The following ADGRV1 variants were observed in gnomAD, a reference collection of about 807,000 sequenced individuals.
ADGRV1 encodes adhesion G protein-coupled receptor V1.
ADGRV1 carries 359 observed loss-of-function variants against 596.2 expected under a neutral mutation model. That is an observed-to-expected ratio of 0.60 (90% CI 0.55 to 0.66). ADGRV1 has a LOEUF of 0.66. Ranked by LOEUF, ADGRV1 falls within the 30% of genes least tolerant of loss-of-function variation. ADGRV1 has a pLI of 0.00. For synonymous variants in ADGRV1, 2,681 were observed against 2,679.2 expected, an observed-to-expected ratio of 1.00 and a Z score of -0.02; for missense variants, 7,274 against 7,575.6, an observed-to-expected ratio of 0.96 and a Z score of 1.48.
At chr5:91,033,917 T>C (rs538554556) in intron 85 of ADGRV1, among the ~76,000 whole-genome samples, 2 of 152,316 alleles carry the variant, frequency 1.3e-5, no homozygotes, top group South Asian at 4.1e-4. Flanking sequence ...ATTCAAATCT[T>C]AGTGATTTTT....
intron 83 of ADGRV1, among the ~76,000 whole-genome samples, chr5:90,963,715 T>C (rs953512115): frequency 2.0e-5 from 3 of 151,260 alleles, no homozygotes; most frequent in African/African-American, 7.3e-5. Flanking sequence ...CCTTCTATTA[T>C]TGATGAGGGA....
chr5:90,564,427 AG>A (rs1755270030), intron 1 of ADGRV1, among the ~76,000 whole-genome samples: 1 of 152,176 alleles, frequency 6.6e-6, no homozygotes. Context: ...CTTAGATTAA[AG>A]GTGCAGAAGC....
At chr5:90,777,804 G>GA in intron 61 of ADGRV1, 101 bp from the exon 62 acceptor site, 1 of 1,083,334 alleles carries the variant, frequency 9.2e-7, no homozygotes, top group East Asian at 2.6e-5. Flanking sequence ...AACTGTTATT[G>GA]AAATGGATGA....
intron 1 of ADGRV1, among the ~76,000 whole-genome samples, chr5:90,591,458 T>C (rs1025557336): frequency 6.6e-6 from 1 of 152,154 alleles, no homozygotes; most frequent in African/African-American, 2.4e-5. Flanking sequence ...TATGTAAATA[T>C]TATCTACTGG....
chr5:90,636,703 G>A (rs887913210), intron 10 of ADGRV1, among the ~76,000 whole-genome samples: 1 of 152,092 alleles, frequency 6.6e-6, no homozygotes, highest in African/African-American at 2.4e-5. Flanking sequence ...CAGGGCCCCA[G>A]CCCTCTGTTA....
At chr5:91,114,866 G>A (rs531211504) in intron 87 of ADGRV1, among the ~76,000 whole-genome samples, 8 of 152,150 alleles carry the variant, frequency 5.3e-5, no homozygotes, top group African/African-American at 1.9e-4. Context: ...CTTTTTCTTT[G>A]GAATCGTGGC....
At position 90,614,986 on chromosome 5, in the gene ADGRV1, A is replaced by G; in HGVS notation, c.174A>G (p.Ile58Met). The change falls in exon 2 of 90, where the codon ATA becomes ATG. Residue 58 changes from isoleucine (I) to methionine (M), a missense_variant. Transcript: ENST00000405460. ...TTATTCGTCTTATCATTGAAAGGAT[A>G]GGAGAGCCAGCAAATGTTACTGCAA... Reference protein sequence around the residue: ...TTVIRLIIERIGEPANVTAIV... With the variant: ...TTVIRLIIERMGEPANVTAIV... 1 of 1,509,768 alleles carries G rather than the reference A, an allele frequency of 6.6e-7. No homozygotes were observed. Among genetic ancestry groups the G allele is most frequent in the African/African-American group, 1.4e-5 (1 of 72,046 alleles). The allele number at this position is 1,509,768 out of a possible 1,614,324, so 93.5% of individuals were successfully genotyped here. A position where few individuals can be genotyped will look rare whatever the true frequency, so the allele number is the denominator to read the frequency against.
chr5:90,983,470 C>T (rs753112048), intron 84 of ADGRV1, among the ~76,000 whole-genome samples: 2 of 152,144 alleles, frequency 1.3e-5, no homozygotes, highest in Admixed American at 6.5e-5. Flanking sequence ...CACCGAGTTA[C>T]GATGTCACAT....
At chr5:90,852,841 T>C (rs1249726112) in intron 79 of ADGRV1, among the ~76,000 whole-genome samples, 1 of 152,194 alleles carries the variant, frequency 6.6e-6, no homozygotes, top group East Asian at 1.9e-4. Context: ...TAAACTCTTG[T>C]TGAAAACATG....
At chr5:90,690,271 T>A (rs1400618782) in intron 30 of ADGRV1, among the ~76,000 whole-genome samples, 195 bp downstream of exon 30, 2 of 152,224 alleles carry the variant, frequency 1.3e-5, no homozygotes, top group African/African-American at 4.8e-5. Flanking sequence ...TAAATCAATC[T>A]CTTAGCATAT....
At chr5:91,128,335 T>C (rs1268859609) in intron 87 of ADGRV1, among the ~76,000 whole-genome samples, 1 of 152,044 alleles carries the variant, frequency 6.6e-6, no homozygotes, top group Non-Finnish European at 1.5e-5. Flanking sequence ...TGCATTTGGA[T>C]TTACAATATT....
chr5:90,609,491 G>GT (rs1180855180), intron 1 of ADGRV1, among the ~76,000 whole-genome samples: 5 of 150,758 alleles, frequency 3.3e-5, no homozygotes, highest in African/African-American at 1.2e-4. Context: ...TTTAAATTCT[G>GT]TTTTGGTTTG....
chr5:90,721,617 T>C (rs1159397018), intron 45 of ADGRV1, among the ~76,000 whole-genome samples: 1 of 144,352 alleles, frequency 6.9e-6, no homozygotes, highest in Non-Finnish European at 1.5e-5. Context: ...ATGCCAGGCA[T>C]GGCACTGAAC....
intron 27 of ADGRV1, among the ~76,000 whole-genome samples, chr5:90,682,989 AG>A (rs1745141124): frequency 1.3e-5 from 2 of 152,230 alleles, no homozygotes; most frequent in South Asian, 4.1e-4. Context: ...ATCACTTTTC[AG>A]AAAAACACCA....
At chr5:91,090,140 T>G (rs1440701965) in intron 86 of ADGRV1, among the ~76,000 whole-genome samples, 2 of 152,162 alleles carry the variant, frequency 1.3e-5, no homozygotes, top group African/African-American at 4.8e-5. Context: ...TCCCATAGTT[T>G]CAATAATTTT....
chr5:90,591,762 T>C (rs1157750456), intron 1 of ADGRV1, among the ~76,000 whole-genome samples: 2 of 152,230 alleles, frequency 1.3e-5, no homozygotes, highest in Admixed American at 1.3e-4. Flanking sequence ...GTTTTGTTCA[T>C]GTAAATTGGG....
intron 87 of ADGRV1, among the ~76,000 whole-genome samples, chr5:91,133,222 GA>G (rs1794358025): frequency 6.6e-6 from 1 of 152,228 alleles, no homozygotes; most frequent in African/African-American, 2.4e-5. Context: ...CAATGTACTT[GA>G]AGAGAAGTTG....
intron 83 of ADGRV1, among the ~76,000 whole-genome samples, chr5:90,865,293 C>T (rs891502753): frequency 1.3e-5 from 2 of 152,050 alleles, no homozygotes; most frequent in Admixed American, 6.6e-5. Flanking sequence ...TTAGAAAACC[C>T]GCCTTCCATA....
chr5:90,904,593 A>G (rs1349949348), intron 83 of ADGRV1, among the ~76,000 whole-genome samples: 3 of 151,408 alleles, frequency 2.0e-5, no homozygotes, highest in Non-Finnish European at 4.4e-5. Flanking sequence ...TTTTTTGCCA[A>G]TATTTTTTTT....
Sources: allele counts gnomAD v4.1 joint callset (sites outside exome capture counted in the v4.1 genomes callset), GRCh38; gene constraint gnomAD v4.1.1; transcripts MANE v1.5; gene names NCBI Gene and HGNC (gene_info 2026-07-23, HGNC 2026-07-21).